The following STRN variants were observed in gnomAD, a reference collection of about 807,000 sequenced individuals.
STRN encodes the protein protein phosphatase 2 regulatory subunit B'''alpha.
In STRN, 53 loss-of-function variants were observed where a neutral mutation model predicts 96.3. The ratio of observed to expected loss-of-function variants is 0.55; its 90% CI spans 0.44 to 0.69. STRN has a LOEUF of 0.69. Ranked by LOEUF, STRN falls within the 30% of genes least tolerant of loss-of-function variation. The probability of loss-of-function intolerance (pLI) is 0.00; values close to 1 mark genes in which losing one functional copy is unlikely to be tolerated. For missense variants in STRN, 987 were observed against 963.9 expected, an observed-to-expected ratio of 1.02 and a Z score of -0.32; for synonymous variants, 428 against 355.9, an observed-to-expected ratio of 1.20 and a Z score of -2.28.
intron 1 of STRN, among the ~76,000 whole-genome samples, chr2:36,950,462 C>T (rs543695698): frequency 2.0e-5 from 3 of 152,194 alleles, no homozygotes; most frequent in South Asian, 4.1e-4. Context: ...GTGATCCACC[C>T]GCCTTGGCCT....
chr2:36,917,231 A>C (rs2148220429), intron 2 of STRN, among the ~76,000 whole-genome samples: 1 of 152,024 alleles, frequency 6.6e-6, no homozygotes, highest in South Asian at 2.1e-4. Context: ...ATAATTTAAG[A>C]AAAGTAGTGG....
intron 1 of STRN, among the ~76,000 whole-genome samples, chr2:36,944,807 G>A (rs1572693197): frequency 6.6e-6 from 1 of 152,166 alleles, no homozygotes; most frequent in African/African-American, 2.4e-5. Context: ...CTATGGAAGA[G>A]ATGCTTAAAT....
intron 11 of STRN, among the ~76,000 whole-genome samples, chr2:36,868,752 T>A (rs41486347): frequency 6.6e-5 from 10 of 152,140 alleles, no homozygotes; most frequent in Non-Finnish European, 1.0e-4. Context: ...AGCCAGGCAA[T>A]AGATTTCCTC....
intron 7 of STRN, among the ~76,000 whole-genome samples, chr2:36,893,451 A>G (rs1248684155): frequency 1.3e-5 from 2 of 151,988 alleles, no homozygotes; most frequent in Non-Finnish European, 2.9e-5. Flanking sequence ...ACATTTTGAG[A>G]AGAAAAATTC....
intron 12 of STRN, among the ~76,000 whole-genome samples, chr2:36,866,484 C>T (rs1668629574): frequency 6.6e-6 from 1 of 152,108 alleles, no homozygotes; most frequent in African/African-American, 2.4e-5. Flanking sequence ...AGAATATGTG[C>T]CATGTACAAA....
At chr2:36,923,523 A>G (rs570853322) in intron 2 of STRN, among the ~76,000 whole-genome samples, 102 of 152,198 alleles carry the variant, frequency 6.7e-4, no homozygotes, top group South Asian at 1.7e-3. Flanking sequence ...CATGTCCCTA[A>G]TACAGCTTTT....
chr2:36,902,781 C>A, intron 4 of STRN, 30 bp from the exon 5 acceptor site: 6 of 1,538,538 alleles, frequency 3.9e-6, no homozygotes, highest in African/African-American at 1.4e-5. Flanking sequence ...AGAGTTCAGT[C>A]ATACTGGAAT....
At chr2:36,884,097 G>T (rs766601912) in intron 8 of STRN, 22 bp from the exon 9 acceptor site, 2 of 1,317,548 alleles carry the variant, frequency 1.5e-6, no homozygotes, top group South Asian at 3.0e-5. Flanking sequence ...AAGGGGGGGT[G>T]GGAGGAGATA....
Position 36,902,674 on chromosome 2 carries a change from GA to G in STRN, c.568del (p.Ser190GlnfsTer17). On this transcript the variant is annotated frameshift_variant, in exon 5 of 18. Transcript: ENST00000263918. LOFTEE classifies it high-confidence loss of function. ...ATCTTCCCTGTCCGTGACATCACTT[GA>G]AAAGCCCAACAAAGCTCGCACTCGT... ...SKRVRALLGF[S>X]SDVTDREDDK... The G allele has an allele frequency of 6.2e-7, 1 of 1,612,232 alleles. No individual in the cohort carries two copies. The highest frequency in any genetic ancestry group is 1.1e-5 in the South Asian group (1 of 90,924).
chr2:36,842,951 T>G lies in STRN; in HGVS notation c.*6505A>C, dbSNP rs761470532. Among the ~76,000 whole-genome samples the G allele has an allele frequency of 5.3e-5, 8 of 152,072 alleles. No homozygotes were observed. The highest frequency in any genetic ancestry group is 1.0e-4 in the Non-Finnish European group (7 of 68,010). On this transcript the variant is annotated 3_prime_UTR_variant, in exon 18 of 18. Coordinates refer to ENST00000263918, the MANE Select transcript of STRN (RefSeq NM_003162.4). ...GGGAATATTTTATGTGCCAGGACAA[T>G]GCTGGGGCCCTGCAAAACATCAGTG...
In STRN at chr2:36,842,171, G is replaced by A. The variant is rs1439848577; in HGVS notation, c.*7285C>T. 3 of 152,258 alleles carry A rather than the reference G, an allele frequency of 2.0e-5. No individual in the cohort carries two copies. The highest frequency in any genetic ancestry group is 1.9e-4 in the East Asian group (1 of 5,182). The allele number at this position is 152,258 out of a possible 1,614,324, so 9.4% of individuals were successfully genotyped here. ...TTTATTTCTACAACTCACGATTAAT[G>A]TAAAACGTTGCTTTCCATGTGCTTT... On this transcript the variant is annotated 3_prime_UTR_variant, in exon 18 of 18. Coordinates refer to ENST00000263918, the MANE Select transcript of STRN (RefSeq NM_003162.4).
At chr2:36,852,149 A>G (rs1295059709) in intron 15 of STRN, among the ~76,000 whole-genome samples, 1 of 152,216 alleles carries the variant, frequency 6.6e-6, no homozygotes, top group Non-Finnish European at 1.5e-5. Flanking sequence ...CAACTGTCAA[A>G]ATTGGTTCCT....
intron 7 of STRN, among the ~76,000 whole-genome samples, chr2:36,891,435 G>A (rs1011570396): frequency 1.3e-5 from 2 of 152,170 alleles, no homozygotes; most frequent in African/African-American, 4.8e-5. Context: ...CTGAGGCAGG[G>A]AACTGCTTGA....
chr2:36,920,845 G>C (rs1228743612), intron 2 of STRN, among the ~76,000 whole-genome samples: 1 of 152,006 alleles, frequency 6.6e-6, no homozygotes, highest in Non-Finnish European at 1.5e-5. Context: ...CGGAGGCCAA[G>C]GCGGGCGGAT....
chr2:36,892,386 A>T (rs1002531894), intron 7 of STRN, among the ~76,000 whole-genome samples: 4 of 152,224 alleles, frequency 2.6e-5, no homozygotes, highest in African/African-American at 9.6e-5. Flanking sequence ...ATACCCAAGT[A>T]ACAAACCTGC....
At chr2:36,931,465 G>C (rs1670572878) in intron 1 of STRN, among the ~76,000 whole-genome samples, 1 of 152,140 alleles carries the variant, frequency 6.6e-6, no homozygotes, top group Non-Finnish European at 1.5e-5. Flanking sequence ...CACAAAAACA[G>C]CTAAGAAAAG....
intron 9 of STRN, among the ~76,000 whole-genome samples, chr2:36,878,783 C>T (rs1010576571): frequency 5.3e-5 from 8 of 151,946 alleles, no homozygotes; most frequent in East Asian, 1.9e-4. Flanking sequence ...GACAGAGTCT[C>T]GTTCTGTCAC....
intron 1 of STRN, among the ~76,000 whole-genome samples, chr2:36,940,628 C>T (rs1457390566): frequency 6.6e-6 from 1 of 150,656 alleles, no homozygotes; most frequent in African/African-American, 2.4e-5. Context: ...GAGATCAAGA[C>T]CATCCTGGCT....
At chr2:36,894,309 G>T (rs141065332) in intron 6 of STRN, among the ~76,000 whole-genome samples, 3 of 152,262 alleles carry the variant, frequency 2.0e-5, no homozygotes, top group Non-Finnish European at 4.4e-5. Context: ...ACAGATATAC[G>T]ATTTACAAGG....
Sources: allele counts gnomAD v4.1 joint callset (sites outside exome capture counted in the v4.1 genomes callset), GRCh38; gene constraint gnomAD v4.1.1; transcripts MANE v1.5; gene names NCBI Gene and HGNC (gene_info 2026-07-23, HGNC 2026-07-21).